Variants in DNAJC18 observed in about 807,000 individuals in gnomAD.
The protein encoded by DNAJC18 is DnaJ heat shock protein family (Hsp40) member C18.
In DNAJC18, 40 loss-of-function variants were observed where a neutral mutation model predicts 48.6. That is an observed-to-expected ratio of 0.82 (90% CI 0.64 to 1.07). The LOEUF (loss-of-function observed/expected upper bound fraction) is 1.07. Among genes scored for constraint, DNAJC18 ranks in the 50% least tolerant of loss-of-function variants. The pLI, the probability that DNAJC18 is intolerant of heterozygous loss-of-function variation, is 0.00. For missense variants in DNAJC18, 340 were observed against 427.7 expected (o/e 0.79, Z 1.81); for synonymous variants, 135 against 152.2 (o/e 0.89, Z 0.83).
chr5:139,411,826 G>A lies in DNAJC18; in HGVS notation c.*2322C>T, dbSNP rs1315844020. ...GACTACCTGATTCCTGGGCATCTAG[G>A]ACAGGGTCTTTTAACCTGTCAAGTC... On this transcript the variant is annotated 3_prime_UTR_variant, in exon 8 of 8. Coordinates refer to ENST00000302060, the MANE Select transcript of DNAJC18 (RefSeq NM_152686.4). The A allele has an allele frequency of 6.6e-6, 1 of 152,184 alleles. No homozygotes were observed. Among genetic ancestry groups the A allele is most frequent in the Non-Finnish European group, 1.5e-5 (1 of 68,026 alleles). The allele number at this position is 152,184 out of a possible 1,614,324, so 9.4% of individuals were successfully genotyped here. A position where few individuals can be genotyped will look rare whatever the true frequency, so the allele number is the denominator to read the frequency against.
chr5:139,429,285 T>C (rs1759293859), intron 2 of DNAJC18, among the ~76,000 whole-genome samples: 1 of 152,058 alleles, frequency 6.6e-6, no homozygotes, highest in South Asian at 2.1e-4. Flanking sequence ...GGTTTCACCA[T>C]ATTGGTTAGG....
At position 139,428,678 on chromosome 5, in the gene DNAJC18, T is replaced by C; in HGVS notation, c.233A>G (p.Lys78Arg). 1 of 1,609,580 alleles carries C rather than the reference T, an allele frequency of 6.2e-7. No individual in the cohort carries two copies. Among genetic ancestry groups the C allele is most frequent in the Non-Finnish European group, 8.5e-7 (1 of 1,178,792 alleles). ...AATTTCATAGTAATTTCTGCATTTCTTGATCCTAAAAAAAATCACAAGCAT... is the reference window on the plus strand; with the variant it reads ...AATTTCATAGTAATTTCTGCATTTCCTGATCCTAAAAAAAATCACAAGCAT... ...EEQLLGVQRI[K>R]KCRNYYEILG... Residue 78 changes from lysine (K) to arginine (R), a missense_variant, in exon 3 of 8, where the codon AAG becomes AGG. Coordinates refer to ENST00000302060, the MANE Select transcript of DNAJC18 (RefSeq NM_152686.4).
intron 7 of DNAJC18, among the ~76,000 whole-genome samples, chr5:139,417,456 G>T (rs1759086650): frequency 6.6e-6 from 1 of 152,050 alleles, no homozygotes; most frequent in African/African-American, 2.4e-5. Context: ...TGGGTTGTGT[G>T]GAGGCTCTGC....
chr5:139,423,970 T>TA (rs1420776808), intron 5 of DNAJC18, among the ~76,000 whole-genome samples: 2 of 152,138 alleles, frequency 1.3e-5, no homozygotes, highest in African/African-American at 4.8e-5. Context: ...CTGTGCCTCT[T>TA]ACAGTAGTGG....
At position 139,412,287 on chromosome 5, in the gene DNAJC18, CT is replaced by C. The variant is rs1203235446; in HGVS notation, c.*1860del. ...CTTTGGAATCTGTTTAATGTAGACTCTTTTTTTTTTTGAGATGGAGTGGAGT... is the reference window on the plus strand; with the variant it reads ...CTTTGGAATCTGTTTAATGTAGACTCTTTTTTTTTTGAGATGGAGTGGAGT... On this transcript the variant is annotated 3_prime_UTR_variant, in exon 8 of 8. Coordinates refer to ENST00000302060, the MANE Select transcript of DNAJC18 (RefSeq NM_152686.4). 211 of 150,220 alleles carry C rather than the reference CT, an allele frequency of 1.4e-3. No individual in the cohort carries two copies. Among genetic ancestry groups the C allele is most frequent in the Middle Eastern group, 0.014 (4 of 292 alleles). The allele number at this position is 150,220 out of a possible 1,614,324, so 9.3% of individuals were successfully genotyped here.
At chr5:139,422,943 C>T (rs748968806) in intron 5 of DNAJC18, 126 bp from the exon 6 acceptor site, 249 of 496,098 alleles carry the variant, frequency 5.0e-4, no homozygotes, top group Middle Eastern at 1.2e-3. Context: ...TCACGCCATT[C>T]TCCTGCCTCA....
At chr5:139,426,115 T>C in intron 4 of DNAJC18, 57 bp downstream of exon 4, 1 of 1,548,530 alleles carries the variant, frequency 6.5e-7, no homozygotes, top group Non-Finnish European at 8.8e-7. Context: ...AACAGGAGCT[T>C]GCTGAGAGCC....
At position 139,411,499 on chromosome 5, in the gene DNAJC18, G is replaced by A. The variant is rs1306705467; in HGVS notation, c.*2649C>T. The A allele has an allele frequency of 2.6e-5, 4 of 152,326 alleles. No homozygotes were observed. The highest frequency in any genetic ancestry group is 5.9e-5 in the Non-Finnish European group (4 of 68,042). The allele number at this position is 152,326 out of a possible 1,614,324, so 9.4% of individuals were successfully genotyped here. A position where few individuals can be genotyped will look rare whatever the true frequency, so the allele number is the denominator to read the frequency against. On this transcript the variant is annotated 3_prime_UTR_variant, in exon 8 of 8. Transcript: ENST00000302060. ...AGGAGATCTTCCAAAGGACGTAGGCGAGAGGAAAAAGCTTATTTTACCACC... is the reference window on the plus strand; with the variant it reads ...AGGAGATCTTCCAAAGGACGTAGGCAAGAGGAAAAAGCTTATTTTACCACC...
chr5:139,416,834 T>C (rs549861853), intron 7 of DNAJC18, among the ~76,000 whole-genome samples: 83 of 152,350 alleles, frequency 5.4e-4, no homozygotes, highest in African/African-American at 1.9e-3. Flanking sequence ...ACTATCTAGA[T>C]GCAGCTGCGA....
intron 6 of DNAJC18, among the ~76,000 whole-genome samples, chr5:139,422,220 T>A (rs1257029512): frequency 6.6e-6 from 1 of 152,280 alleles, no homozygotes. Context: ...AAGAAATTTT[T>A]AAAAATCCTA....
intron 7 of DNAJC18, among the ~76,000 whole-genome samples, chr5:139,415,007 G>A: frequency 6.6e-6 from 1 of 152,094 alleles, no homozygotes; most frequent in Non-Finnish European, 1.5e-5. Context: ...TCTTTTGTGA[G>A]GTTTCAGACA....
chr5:139,426,394 C>T (rs761443058), intron 3 of DNAJC18, 37 bp from the exon 4 acceptor site: 6 of 1,607,728 alleles, frequency 3.7e-6, no homozygotes, highest in South Asian at 1.1e-5. Context: ...AGGACACAGT[C>T]TTTGCTATGG....
At chr5:139,433,487 T>C (rs1051399418) in intron 2 of DNAJC18, among the ~76,000 whole-genome samples, 1 of 151,436 alleles carries the variant, frequency 6.6e-6, no homozygotes, top group Non-Finnish European at 1.5e-5. Context: ...AAGAGATCAC[T>C]TTTTACTGCT....
intron 3 of DNAJC18, 86 bp from the exon 4 acceptor site, chr5:139,426,443 G>A: frequency 6.6e-7 from 1 of 1,503,908 alleles, no homozygotes. Flanking sequence ...AGAGCCTAGA[G>A]GTGACTCGTG....
In DNAJC18 at chr5:139,435,730, T is replaced by TTTTTTTTTTTTTTTC. The variant is rs1438818286; in HGVS notation, c.227+1641_227+1642insGAAAAAAAAAAAAAA. The stretch of plus-strand genomic sequence containing the variant: ...GTTTTTTTTTTTTTTTTTTTTTTTT[T>TTTTTTTTTTTTTTTC]TTCAGACAAGGTCTCCCTCTGTCAC... On this transcript the variant is annotated intron_variant, in intron 2 of 7. Transcript: ENST00000302060. Among the ~76,000 whole-genome samples, 3 of 131,914 alleles carry TTTTTTTTTTTTTTTC rather than the reference T, an allele frequency of 2.3e-5. No individual in the cohort carries two copies. In the East Asian group the frequency reaches 7.7e-4, roughly 34 times the overall value. The allele number at this position is 131,914 out of a possible 152,430, so 86.5% of individuals were successfully genotyped here. A position where few individuals can be genotyped will look rare whatever the true frequency, so the allele number is the denominator to read the frequency against.
chr5:139,420,286 A>G lies in DNAJC18; in HGVS notation c.780-61T>C, dbSNP rs1304618856. 6 of 1,477,866 alleles carry G rather than the reference A, an allele frequency of 4.1e-6. No individual in the cohort carries two copies. In the African/African-American group the frequency reaches 5.8e-5, roughly 14 times the overall value. 91.5% of individuals were successfully genotyped at this position (1,477,866 alleles called of 1,614,324 possible). On this transcript the variant is annotated intron_variant, in intron 6 of 7. Coordinates refer to ENST00000302060, the MANE Select transcript of DNAJC18 (RefSeq NM_152686.4). Reference sequence around the variant, plus strand: ...AATATTTGGCAATATTACTCTTAGCACTGCCCTCACAGATATCATCATCAT... The same window carrying G: ...AATATTTGGCAATATTACTCTTAGCGCTGCCCTCACAGATATCATCATCAT...
chr5:139,417,282 T>C (rs1405456625), intron 7 of DNAJC18, among the ~76,000 whole-genome samples: 1 of 152,016 alleles, frequency 6.6e-6, no homozygotes, highest in African/African-American at 2.4e-5. Context: ...AAAAAGTCAA[T>C]GGCTAACCTT....
intron 2 of DNAJC18, 62 bp from the exon 3 acceptor site, chr5:139,428,745 T>G: frequency 6.5e-7 from 1 of 1,529,744 alleles, no homozygotes; most frequent in African/African-American, 1.4e-5. Flanking sequence ...AATTGCAAGA[T>G]AATACATCGA....
chr5:139,422,836 T>A lies in DNAJC18; in HGVS notation c.670-19A>T, dbSNP rs1356650339. 7 of 1,523,210 alleles carry A rather than the reference T, an allele frequency of 4.6e-6. No individual in the cohort carries two copies. The highest frequency in any genetic ancestry group is 3.6e-6 in the Non-Finnish European group (4 of 1,125,918). The allele number at this position is 1,523,210 out of a possible 1,614,324, so 94.4% of individuals were successfully genotyped here. ...ATGTAGTCTGAAAAAGAAAAAAAAA[T>A]AAAAACTTGCTGTAAGTGTTCTTTT... On this transcript the variant is annotated intron_variant, in intron 5 of 7. Coordinates refer to ENST00000302060, the MANE Select transcript of DNAJC18 (RefSeq NM_152686.4).
Sources: gnomAD v4.1 joint callset for allele counts (sites outside exome capture counted in the v4.1 genomes callset) on GRCh38, gnomAD v4.1.1 for gene constraint, MANE v1.5 for transcripts, NCBI Gene and HGNC (gene_info 2026-07-23, HGNC 2026-07-21) for gene names.